Variants in PTPRM observed in about 807,000 individuals in gnomAD.
PTPRM encodes the protein protein tyrosine phosphatase receptor type M, also known as receptor-type tyrosine-protein phosphatase mu.
In PTPRM, 47 loss-of-function variants were observed where a neutral mutation model predicts 186.7. The ratio of observed to expected loss-of-function variants is 0.25; its 90% CI spans 0.20 to 0.32. PTPRM has a LOEUF of 0.32. PTPRM is among the 10% of genes least tolerant of loss of function. The probability of loss-of-function intolerance (pLI) is 1.00; values close to 1 mark genes in which losing one functional copy is unlikely to be tolerated. For synonymous variants in PTPRM, 668 were observed against 674.9 expected (o/e 0.99, Z 0.16); for missense variants, 1,494 against 1,865.0 (o/e 0.80, Z 3.66).
intron 1 of PTPRM, among the ~76,000 whole-genome samples, chr18:7,575,687 C>G (rs2143410759): frequency 6.6e-6 from 1 of 152,214 alleles, no homozygotes; most frequent in South Asian, 2.1e-4. Context: ...TGTAGTAGAC[C>G]AGAAAAAGCA....
chr18:8,233,238 C>G (rs2094308302), intron 14 of PTPRM, among the ~76,000 whole-genome samples: 1 of 152,216 alleles, frequency 6.6e-6, no homozygotes, highest in Non-Finnish European at 1.5e-5. Flanking sequence ...CTGTGCCTGG[C>G]CCAAACTGTT....
intron 1 of PTPRM, among the ~76,000 whole-genome samples, chr18:7,585,264 A>AT (rs200794877): frequency 6.6e-6 from 1 of 151,796 alleles, no homozygotes; most frequent in Admixed American, 6.6e-5. Context: ...ATGGTTTTTA[A>AT]TTTTTTTTTC....
At chr18:8,212,165 G>C (rs1568532200) in intron 14 of PTPRM, among the ~76,000 whole-genome samples, 2 of 152,172 alleles carry the variant, frequency 1.3e-5, no homozygotes, top group South Asian at 4.1e-4. Flanking sequence ...AGGTGCCTGT[G>C]CCTGGTAGGA....
intron 22 of PTPRM, among the ~76,000 whole-genome samples, chr18:8,340,137 A>AGGAAC (rs2095465958): frequency 6.6e-6 from 1 of 152,234 alleles, no homozygotes; most frequent in South Asian, 2.1e-4. Context: ...GTGTGGCAGA[A>AGGAAC]GGAACGGCCG....
chr18:7,977,437 C>T (rs2055029132), intron 7 of PTPRM, among the ~76,000 whole-genome samples: 1 of 152,086 alleles, frequency 6.6e-6, no homozygotes, highest in African/African-American at 2.4e-5. Flanking sequence ...GTAGGTCCCT[C>T]ACACGTGCAC....
At chr18:7,710,009 C>T (rs1598412855) in intron 1 of PTPRM, among the ~76,000 whole-genome samples, 1 of 152,144 alleles carries the variant, frequency 6.6e-6, no homozygotes, top group East Asian at 1.9e-4. Context: ...TGAAACTATT[C>T]CAAAGATAAA....
intron 14 of PTPRM, among the ~76,000 whole-genome samples, chr18:8,207,028 G>T (rs961032902): frequency 6.6e-6 from 1 of 152,170 alleles, no homozygotes; most frequent in South Asian, 2.1e-4. Flanking sequence ...AGGGGGCATG[G>T]CTCTACCAGC....
intron 8 of PTPRM, among the ~76,000 whole-genome samples, chr18:8,075,849 G>A (rs1187345608): frequency 6.6e-6 from 1 of 151,884 alleles, no homozygotes; most frequent in Non-Finnish European, 1.5e-5. Context: ...TCAGTGTTAT[G>A]GTTATAACTT....
At chr18:8,364,418 T>G (rs1316422481) in intron 23 of PTPRM, among the ~76,000 whole-genome samples, 21 of 152,230 alleles carry the variant, frequency 1.4e-4, no homozygotes, top group Non-Finnish European at 8.8e-5. Context: ...ATGTGCATCT[T>G]ACTCCATCAC....
intron 1 of PTPRM, among the ~76,000 whole-genome samples, chr18:7,594,258 A>G (rs901198205): frequency 1.3e-5 from 2 of 152,172 alleles, no homozygotes; most frequent in Admixed American, 1.3e-4. Context: ...CTTTGGGTGG[A>G]TCACCTGAAG....
At chr18:8,308,450 A>G (rs2095243046) in intron 20 of PTPRM, among the ~76,000 whole-genome samples, 1 of 152,246 alleles carries the variant, frequency 6.6e-6, no homozygotes, top group African/African-American at 2.4e-5. Context: ...CTTAAATCTA[A>G]TAGCCACACT....
chr18:7,847,300 G>A (rs910640699), intron 2 of PTPRM, among the ~76,000 whole-genome samples: 12 of 151,390 alleles, frequency 7.9e-5, no homozygotes, highest in Non-Finnish European at 1.6e-4. Flanking sequence ...CTGCGTAGCC[G>A]TGACTACAGG....
chr18:8,187,660 G>A (rs1009966942), intron 14 of PTPRM, among the ~76,000 whole-genome samples: 8 of 152,312 alleles, frequency 5.3e-5, no homozygotes, highest in Admixed American at 4.6e-4. Flanking sequence ...TGAGAGCCTA[G>A]ACTAAGTTGG....
chr18:8,238,649 G>GTTTT (rs1568577885), intron 14 of PTPRM, among the ~76,000 whole-genome samples: 2 of 73,650 alleles, frequency 2.7e-5, no homozygotes, highest in African/African-American at 8.4e-5. Flanking sequence ...ACTGTTTTGT[G>GTTTT]TGTTTTTTTT....
chr18:8,370,823 C>T (rs1388325607), intron 23 of PTPRM, 67 bp from the exon 24 acceptor site: 2 of 861,828 alleles, frequency 2.3e-6, no homozygotes, highest in South Asian at 1.7e-5. Flanking sequence ...CATAGTGTGA[C>T]CCATCATGGG....
intron 2 of PTPRM, among the ~76,000 whole-genome samples, chr18:7,875,320 G>A (rs532333491): frequency 1.1e-4 from 17 of 150,952 alleles, no homozygotes; most frequent in Non-Finnish European, 2.2e-4. Context: ...TCTTGGTAAC[G>A]TGCACCATTT....
At chr18:7,589,845 G>A (rs1036041656) in intron 1 of PTPRM, among the ~76,000 whole-genome samples, 2 of 152,300 alleles carry the variant, frequency 1.3e-5, no homozygotes, top group South Asian at 4.1e-4. Context: ...TGGACAGTGG[G>A]TAGTTTCCAG....
chr18:8,074,038 A>C (rs2089652887), intron 8 of PTPRM, among the ~76,000 whole-genome samples: 1 of 152,202 alleles, frequency 6.6e-6, no homozygotes, highest in East Asian at 1.9e-4. Flanking sequence ...CGGGCCTCCC[A>C]TATGAATCAG....
chr18:7,901,617 G>C (rs1368669922), intron 3 of PTPRM, among the ~76,000 whole-genome samples: 1 of 152,032 alleles, frequency 6.6e-6, no homozygotes. Context: ...ACTCACCTTG[G>C]CCTCCCAAAG....
Sources: gnomAD v4.1 joint callset for allele counts (sites outside exome capture counted in the v4.1 genomes callset) on GRCh38, gnomAD v4.1.1 for gene constraint, MANE v1.5 for transcripts, NCBI Gene and HGNC (gene_info 2026-07-23, HGNC 2026-07-21) for gene names.